The following RANBP2 variants were observed in gnomAD, a reference collection of about 807,000 sequenced individuals.
RANBP2 encodes RAN binding protein 2.
RANBP2 carries 57 observed loss-of-function variants against 303.6 expected under a neutral mutation model. That is an observed-to-expected ratio of 0.19 (90% CI 0.15 to 0.23). The LOEUF (loss-of-function observed/expected upper bound fraction) is 0.23, where lower values mean the gene tolerates loss of function less well. Ranked by LOEUF, RANBP2 falls within the 10% of genes least tolerant of loss-of-function variation. The pLI, the probability that RANBP2 is intolerant of heterozygous loss-of-function variation, is 1.00. For synonymous variants in RANBP2, 1,167 were observed against 1,301.5 expected (o/e 0.90, Z 2.23); for missense variants, 3,138 against 3,780.8 (o/e 0.83, Z 4.46).
chr2:109,658,709 C>T, the RANBP2 span, among the ~76,000 whole-genome samples: 5 of 151,442 alleles, frequency 3.3e-5, no homozygotes, highest in Admixed American at 6.6e-5. Flanking sequence ...GGCCAGATCA[C>T]GAGGTCAGGA....
At chr2:108,836,173 A>T in the RANBP2 span, among the ~76,000 whole-genome samples, 5 of 151,562 alleles carry the variant, frequency 3.3e-5, no homozygotes, top group African/African-American at 4.9e-5. Context: ...CATTTCACCT[A>T]CCCCCGCCCC....
the RANBP2 span, among the ~76,000 whole-genome samples, chr2:109,531,564 C>T: frequency 1.8e-4 from 28 of 152,324 alleles, no homozygotes; most frequent in Admixed American, 1.8e-3. Context: ...CTGGGCATGA[C>T]TTTCTGGCTG....
At chr2:109,074,333 A>C in the RANBP2 span, among the ~76,000 whole-genome samples, 1 of 150,436 alleles carries the variant, frequency 6.6e-6, no homozygotes, top group African/African-American at 2.4e-5. Context: ...GTACCACTGC[A>C]CTCCAGCCTG....
the RANBP2 span, among the ~76,000 whole-genome samples, chr2:109,209,818 G>A: frequency 1.3e-5 from 2 of 152,140 alleles, no homozygotes; most frequent in Admixed American, 6.5e-5. Context: ...AGTATTCCAA[G>A]ATTTATTATT....
At chr2:108,759,957 C>G (rs2556266) in intron 18 of RANBP2, among the ~76,000 whole-genome samples, 48 of 152,240 alleles carry the variant, frequency 3.2e-4, no homozygotes, top group East Asian at 1.2e-3. Context: ...GCAGCACATC[C>G]TCATTTTACA....
intron 8 of RANBP2, 28 bp from the exon 9 acceptor site, chr2:108,748,892 A>G: frequency 6.2e-7 from 1 of 1,611,984 alleles, no homozygotes; most frequent in Non-Finnish European, 8.5e-7. Context: ...TTTTAAAGTG[A>G]TGGAAATAAC....
At chr2:109,574,670 G>C in the RANBP2 span, 1 of 1,610,014 alleles carries the variant, frequency 6.2e-7, no homozygotes, top group Non-Finnish European at 8.5e-7. Context: ...ACATGGATGC[G>C]AGAATCATGG....
At chr2:108,994,128 C>T in the RANBP2 span, among the ~76,000 whole-genome samples, 1 of 151,980 alleles carries the variant, frequency 6.6e-6, no homozygotes, top group Non-Finnish European at 1.5e-5. Flanking sequence ...CAGCACTTCC[C>T]ATTTGCCCAG....
At chr2:109,436,797 A>C in the RANBP2 span, 1 of 1,487,028 alleles carries the variant, frequency 6.7e-7, no homozygotes, top group South Asian at 1.4e-5. Context: ...TTCATCTCTT[A>C]AAGCCAGCAG....
the RANBP2 span, among the ~76,000 whole-genome samples, chr2:109,455,961 C>A: frequency 2.6e-5 from 4 of 152,240 alleles, no homozygotes; most frequent in African/African-American, 9.6e-5. Context: ...AACTGATTCA[C>A]CCACGTGGGA....
the RANBP2 span, among the ~76,000 whole-genome samples, chr2:109,445,380 C>T: frequency 6.6e-6 from 1 of 152,164 alleles, no homozygotes; most frequent in Non-Finnish European, 1.5e-5. Context: ...CCTAAACATG[C>T]TGAACTTAAA....
the RANBP2 span, among the ~76,000 whole-genome samples, chr2:108,964,753 ACAGCAGG>A: frequency 6.6e-6 from 1 of 152,190 alleles, no homozygotes; most frequent in Non-Finnish European, 1.5e-5. Context: ...TCACTAAGTG[ACAGCAGG>A]CAGCAGCCCT....
At chr2:108,851,643 T>C in the RANBP2 span, among the ~76,000 whole-genome samples, 1 of 152,116 alleles carries the variant, frequency 6.6e-6, no homozygotes, top group Non-Finnish European at 1.5e-5. Context: ...ACATCACAAT[T>C]CTGTCCACCA....
At chr2:108,758,321 T>C in intron 17 of RANBP2, 92 bp from the exon 18 acceptor site, 1 of 1,546,410 alleles carries the variant, frequency 6.5e-7, no homozygotes, top group African/African-American at 1.4e-5. Flanking sequence ...AAATCAGTTA[T>C]TTAAATTTAA....
chr2:108,893,990 T>TTATC, the RANBP2 span, among the ~76,000 whole-genome samples: 35 of 151,524 alleles, frequency 2.3e-4, no homozygotes, highest in Admixed American at 4.6e-4. Flanking sequence ...CCTCTCTCTG[T>TTATC]TATCTATCTA....
chr2:109,613,279 A>T, the RANBP2 span: 1 of 842,904 alleles, frequency 1.2e-6, no homozygotes, highest in South Asian at 1.9e-5. Flanking sequence ...AGTACAAAAG[A>T]GTCAAGGCGG....
the RANBP2 span, among the ~76,000 whole-genome samples, chr2:109,139,372 T>C: frequency 6.6e-6 from 1 of 152,160 alleles, no homozygotes; most frequent in Non-Finnish European, 1.5e-5. Flanking sequence ...GCAGTCATTG[T>C]CTGGACCAAG....
At chr2:108,982,794 C>G in the RANBP2 span, among the ~76,000 whole-genome samples, 8 of 152,162 alleles carry the variant, frequency 5.3e-5, no homozygotes, top group African/African-American at 1.9e-4. Flanking sequence ...TTGGTTACGT[C>G]TGCCCGTAAA....
chr2:109,436,911 A>C, the RANBP2 span: 1 of 1,613,520 alleles, frequency 6.2e-7, no homozygotes, highest in Non-Finnish European at 8.5e-7. Context: ...CAGGAGGGGC[A>C]GGGCCGCCCC....
Sources: allele counts gnomAD v4.1 joint callset (sites outside exome capture counted in the v4.1 genomes callset), GRCh38; gene constraint gnomAD v4.1.1; transcripts MANE v1.5; gene names NCBI Gene and HGNC (gene_info 2026-07-23, HGNC 2026-07-21).